Variants in SIPA1L1 observed in about 807,000 individuals in gnomAD.
The protein encoded by SIPA1L1 is signal-induced proliferation-associated 1-like protein 1.
In SIPA1L1, 26 loss-of-function variants were observed where a neutral mutation model predicts 162.7. That is an observed-to-expected ratio of 0.16 (90% CI 0.12 to 0.22). The LOEUF is 0.22. Ranked by LOEUF, SIPA1L1 falls within the 10% of genes least tolerant of loss-of-function variation. SIPA1L1 has a pLI of 1.00. For missense variants in SIPA1L1, 1,874 were observed against 2,241.0 expected (o/e 0.84, Z 3.31); for synonymous variants, 829 against 837.4 (o/e 0.99, Z 0.17).
chr14:71,710,886 T>C (rs1241897442), intron 17 of SIPA1L1, among the ~76,000 whole-genome samples: 1 of 151,908 alleles, frequency 6.6e-6, no homozygotes, highest in Non-Finnish European at 1.5e-5. Flanking sequence ...ATTTTTCAAA[T>C]GGAAATCTAG....
At chr14:71,402,911 G>C (rs2041780301) in intron 2 of SIPA1L1, among the ~76,000 whole-genome samples, 2 of 152,070 alleles carry the variant, frequency 1.3e-5, no homozygotes, top group African/African-American at 4.8e-5. Flanking sequence ...TGTGGTTATT[G>C]AGGACTGTGT....
chr14:71,479,827 A>G (rs1391224230), intron 2 of SIPA1L1, among the ~76,000 whole-genome samples: 2 of 152,096 alleles, frequency 1.3e-5, no homozygotes, highest in African/African-American at 4.8e-5. Flanking sequence ...CCCATACTAA[A>G]GGTATCCTCT....
At chr14:71,688,079 T>C (rs751584885) in intron 13 of SIPA1L1, among the ~76,000 whole-genome samples, 3 of 152,320 alleles carry the variant, frequency 2.0e-5, no homozygotes, top group South Asian at 2.1e-4. Context: ...TATTCTTCTT[T>C]TATGAAAATT....
chr14:71,565,338 T>A (rs1325640900), intron 4 of SIPA1L1, among the ~76,000 whole-genome samples: 1 of 152,222 alleles, frequency 6.6e-6, no homozygotes, highest in African/African-American at 2.4e-5. Flanking sequence ...TACAGGAGAC[T>A]TTTTTGAAGT....
At chr14:71,686,077 G>A (rs546184034) in intron 13 of SIPA1L1, among the ~76,000 whole-genome samples, 3 of 152,272 alleles carry the variant, frequency 2.0e-5, no homozygotes, top group African/African-American at 4.8e-5. Flanking sequence ...AAAGGATTAT[G>A]CGGAAGGAAA....
intron 7 of SIPA1L1, among the ~76,000 whole-genome samples, chr14:71,627,067 A>G (rs972156183): frequency 1.4e-4 from 20 of 146,354 alleles, no homozygotes; most frequent in African/African-American, 4.6e-4. Flanking sequence ...AAAACGAACT[A>G]ATTTTTTTAG....
chr14:71,392,151 C>G (rs1390046876), intron 2 of SIPA1L1, among the ~76,000 whole-genome samples: 1 of 152,124 alleles, frequency 6.6e-6, no homozygotes, highest in African/African-American at 2.4e-5. Flanking sequence ...GCTATAAATC[C>G]CAATACCCAT....
At chr14:71,544,240 A>G (rs927870180) in intron 4 of SIPA1L1, among the ~76,000 whole-genome samples, 18 of 144,482 alleles carry the variant, frequency 1.2e-4, no homozygotes, top group African/African-American at 4.2e-4. Flanking sequence ...TCATGTATGT[A>G]TACACATATG....
rs554217578 is a variant in SIPA1L1, at chr14:71,532,721, G to T, written c.-303+3351G>T. ...TTGTTCTTTAAAAGTATTATAGAGGGTACGTATACACTGATGAAAGTAAAT... is the reference window on the plus strand; with the variant it reads ...TTGTTCTTTAAAAGTATTATAGAGGTTACGTATACACTGATGAAAGTAAAT... On this transcript the variant is annotated intron_variant, in intron 4 of 23. Transcript: ENST00000381232. Among the ~76,000 whole-genome samples, 14 of 152,328 alleles carry T rather than the reference G, an allele frequency of 9.2e-5. 1 individual carries two copies. The South Asian group carries it at 1.7e-3, about 18-fold the overall frequency.
chr14:71,685,952 CAG>C (rs2046256130), intron 13 of SIPA1L1, among the ~76,000 whole-genome samples: 1 of 152,138 alleles, frequency 6.6e-6, no homozygotes, highest in African/African-American at 2.4e-5. Flanking sequence ...TTTGAGGTGA[CAG>C]TGACTGTATA....
At chr14:71,618,908 GT>G (rs754847572) in intron 6 of SIPA1L1, 21 bp downstream of exon 6, 2 of 1,608,108 alleles carry the variant, frequency 1.2e-6, no homozygotes, top group Non-Finnish European at 1.7e-6. Context: ...AATGAGAGAG[GT>G]TTGAGGTTTA....
chr14:71,423,528 T>C (rs2043341988), intron 2 of SIPA1L1, among the ~76,000 whole-genome samples: 3 of 152,160 alleles, frequency 2.0e-5, no homozygotes, highest in South Asian at 2.1e-4. Context: ...CTGTATTCTT[T>C]TGCATATGCA....
At chr14:71,591,052 A>C (rs1479209135) in intron 5 of SIPA1L1, among the ~76,000 whole-genome samples, 2 of 152,126 alleles carry the variant, frequency 1.3e-5, no homozygotes, top group Admixed American at 6.5e-5. Context: ...TGAGCTGTCG[A>C]TAGGTGGAGG....
rs754769583 is a variant in SIPA1L1 at position 71,624,115 on chromosome 14, G to A, written c.1697G>A (p.Arg566Lys). The change falls in exon 7 of 24, where the codon AGA (arginine) becomes AAA (lysine). Residue 566 changes from arginine (R) to lysine (K), a missense_variant. By Grantham distance (26) the Arg-to-Lys change is conservative (BLOSUM62 2). Transcript: ENST00000381232. ...TCGACAGCCAAGCACTCGACAGCCA[G>A]AGGCCTGCCTCTCAAAGAAGTGCTG... ...IPSTAKHSTA[R>K]GLPLKEVLEH... 1.2e-6 allele frequency: 2 copies of A among 1,614,184 alleles called. No individual in the cohort carries two copies. The highest frequency in any genetic ancestry group is 1.1e-5 in the South Asian group (1 of 91,078).
chr14:71,594,052 G>A (rs951568543), intron 5 of SIPA1L1, among the ~76,000 whole-genome samples: 2 of 152,254 alleles, frequency 1.3e-5, no homozygotes, highest in South Asian at 4.1e-4. Flanking sequence ...TGTTCTTACT[G>A]TTCACCTTCC....
At chr14:71,674,473 A>T (rs930972800) in intron 12 of SIPA1L1, among the ~76,000 whole-genome samples, 4 of 152,214 alleles carry the variant, frequency 2.6e-5, no homozygotes, top group African/African-American at 9.7e-5. Context: ...AGGCCCTGAA[A>T]AAAGCACTTT....
At chr14:71,598,983 G>T (rs1385927184) in intron 5 of SIPA1L1, among the ~76,000 whole-genome samples, 2 of 151,960 alleles carry the variant, frequency 1.3e-5, no homozygotes, top group African/African-American at 4.8e-5. Flanking sequence ...CCTGGTCTCT[G>T]ATATCTATCG....
intron 7 of SIPA1L1, among the ~76,000 whole-genome samples, chr14:71,648,119 A>G (rs943251239): frequency 1.2e-4 from 18 of 152,096 alleles, no homozygotes; most frequent in Non-Finnish European, 2.6e-4. Flanking sequence ...GTGAAACCCC[A>G]TCTCTACTAA....
intron 16 of SIPA1L1, among the ~76,000 whole-genome samples, chr14:71,705,926 C>G (rs2082404122): frequency 6.6e-6 from 1 of 152,030 alleles, no homozygotes; most frequent in South Asian, 2.1e-4. Flanking sequence ...TTTTTCCCCA[C>G]TCTTCTTCCC....
Sources: allele counts gnomAD v4.1 joint callset (sites outside exome capture counted in the v4.1 genomes callset), GRCh38; gene constraint gnomAD v4.1.1; transcripts MANE v1.5; gene names NCBI Gene and HGNC (gene_info 2026-07-23, HGNC 2026-07-21).